Variants in DCT observed in about 807,000 individuals in gnomAD.
The protein encoded by DCT is dopachrome tautomerase.
DCT carries 47 observed loss-of-function variants against 53.0 expected under a neutral mutation model. The observed-to-expected ratio is 0.89, with a 90% CI of 0.70 to 1.13. DCT has a LOEUF of 1.13. Among genes scored for constraint, DCT ranks in the 50% most tolerant of loss-of-function variants. DCT has a pLI of 0.00. For synonymous variants in DCT, 244 were observed against 237.0 expected (o/e 1.03, Z -0.27); for missense variants, 669 against 637.4 (o/e 1.05, Z -0.53).
chr13:94,518,103 ACGAAG>A, the DCT span, among the ~76,000 whole-genome samples: 3 of 131,646 alleles, frequency 2.3e-5, no homozygotes, highest in African/African-American at 5.8e-5. Context: ...GAGAAGGGAA[ACGAAG>A]GGAAGGAAGG....
intron 2 of DCT, chr13:94,467,518 C>G (rs1884300444): frequency 6.6e-6 from 1 of 152,138 alleles, no homozygotes; most frequent in African/African-American, 2.4e-5. Context: ...AATAATTCCT[C>G]AGAGTGATAA....
At chr13:94,529,731 C>T in the DCT span, among the ~76,000 whole-genome samples, 1 of 152,090 alleles carries the variant, frequency 6.6e-6, no homozygotes, top group Non-Finnish European at 1.5e-5. Context: ...ATTAAAAGAA[C>T]TAGAGAAGCA....
chr13:94,472,521 CATATATATAT>C (rs1555334365), intron 1 of DCT, among the ~76,000 whole-genome samples: 702 of 25,052 alleles, frequency 0.028, 1 homozygote, highest in Non-Finnish European at 0.036. Context: ...TACATACATA[CATATATATAT>C]ATATATATAT....
the DCT span, among the ~76,000 whole-genome samples, chr13:94,508,885 A>G: frequency 1.3e-5 from 2 of 152,190 alleles, no homozygotes; most frequent in African/African-American, 4.8e-5. Context: ...GAAGAAGAAT[A>G]AAAACAGGGG....
the DCT span, among the ~76,000 whole-genome samples, chr13:94,495,553 T>A: frequency 6.6e-6 from 1 of 152,214 alleles, no homozygotes; most frequent in African/African-American, 2.4e-5. Context: ...ATCATCAAAG[T>A]TTAAATTTTA....
At chr13:94,541,277 G>A in the DCT span, among the ~76,000 whole-genome samples, 1 of 152,150 alleles carries the variant, frequency 6.6e-6, no homozygotes, top group Non-Finnish European at 1.5e-5. Context: ...GCCGCGGCAG[G>A]TGGATCACCT....
the DCT span, among the ~76,000 whole-genome samples, chr13:94,487,126 C>G: frequency 1.6e-3 from 238 of 152,266 alleles, 5 homozygotes; most frequent in Non-Finnish European, 1.2e-4. Context: ...TTGTTAGAAA[C>G]TGAATAGCAG....
At chr13:94,483,068 G>A (rs1432450000), upstream of DCT, among the ~76,000 whole-genome samples, 2 of 152,012 alleles carry the variant, frequency 1.3e-5, no homozygotes, top group South Asian at 4.2e-4. Flanking sequence ...GAGCCCAGGA[G>A]TCTGAGATCA....
the DCT span, among the ~76,000 whole-genome samples, chr13:94,542,489 A>G: frequency 1.3e-5 from 2 of 152,144 alleles, no homozygotes; most frequent in Non-Finnish European, 2.9e-5. Flanking sequence ...TTACAGGGCC[A>G]CAGCACCTGG....
the DCT span, among the ~76,000 whole-genome samples, chr13:94,540,586 G>T: frequency 1.3e-5 from 2 of 152,104 alleles, no homozygotes; most frequent in Non-Finnish European, 2.9e-5. Flanking sequence ...TCCAAGAAAT[G>T]CAAATCAAAA....
the DCT span, among the ~76,000 whole-genome samples, chr13:94,546,093 C>G: frequency 3.3e-5 from 5 of 152,088 alleles, no homozygotes; most frequent in Non-Finnish European, 5.9e-5. This position sits in a 1 kb window ranked among gnomAD's most constrained non-coding sequence, Gnocchi z 4.2. Context: ...AAAGGGCTTA[C>G]AATTGTGACT....
At chr13:94,529,065 T>G in the DCT span, among the ~76,000 whole-genome samples, 61,354 of 151,886 alleles carry the variant, frequency 0.4, 13,113 homozygotes, top group East Asian at 0.62. Context: ...AATGGCAAAG[T>G]GATCAATTCA....
At chr13:94,515,782 T>A in the DCT span, among the ~76,000 whole-genome samples, 1 of 152,154 alleles carries the variant, frequency 6.6e-6, no homozygotes, top group South Asian at 2.1e-4. Flanking sequence ...TACAGCACTG[T>A]AACAAATACT....
the DCT span, among the ~76,000 whole-genome samples, chr13:94,511,331 C>T: frequency 0.38 from 57,071 of 150,880 alleles, 11,287 homozygotes; most frequent in East Asian, 0.61. Context: ...TTCGTGTTCC[C>T]CTGCACCTAC....
At chr13:94,525,827 T>C in the DCT span, among the ~76,000 whole-genome samples, 9 of 152,176 alleles carry the variant, frequency 5.9e-5, no homozygotes, top group Admixed American at 2.6e-4. Context: ...ACTCTGTCTC[T>C]ACAAAACATA....
chr13:94,526,374 C>T, the DCT span, among the ~76,000 whole-genome samples: 79 of 152,216 alleles, frequency 5.2e-4, no homozygotes, highest in Admixed American at 2.0e-4. Context: ...ACGGATATTC[C>T]GAGATATTAA....
the DCT span, among the ~76,000 whole-genome samples, chr13:94,515,646 C>G: frequency 6.6e-6 from 1 of 152,188 alleles, no homozygotes; most frequent in African/African-American, 2.4e-5. Flanking sequence ...TTCAGAAGTG[C>G]TACAGCTGCT....
Position 94,476,178 on chromosome 13 carries a change from CTCTTTTTTTTTTT to C in DCT, c.295+2770_295+2782del, listed in dbSNP as rs1349765913. On this transcript the variant is annotated intron_variant, in intron 1 of 7. Transcript: ENST00000377028. ...AAGGGCTTTTTAGAGCAGGGGGAGC[CTCTTTTTTTTTTT>C]TTTTTTTTTTTTTTTTGAAGGTAGG... Among the ~76,000 whole-genome samples, 12 of 114,336 alleles carry C rather than the reference CTCTTTTTTTTTTT, an allele frequency of 1.0e-4. No homozygotes were observed. In the East Asian group the frequency reaches 2.5e-3, roughly 23 times the overall value. The allele number at this position is 114,336 out of a possible 152,430, so 75.0% of individuals were successfully genotyped here. A position where few individuals can be genotyped will look rare whatever the true frequency, so the allele number is the denominator to read the frequency against.
rs369280317 is a variant in DCT at position 94,463,541 on chromosome 13, C to T, written c.864-1352G>A. Among the ~76,000 whole-genome samples the T allele has an allele frequency of 3.9e-5, 6 of 151,918 alleles. No homozygotes were observed. In the East Asian group the frequency reaches 5.8e-4, roughly 15 times the overall value. Reference sequence around the variant, plus strand: ...CTGACCTCAGGTGATCCACCTGTCTCGGCCTCCCAAAGTGCTGAGATTACA... The same window carrying T: ...CTGACCTCAGGTGATCCACCTGTCTTGGCCTCCCAAAGTGCTGAGATTACA... On this transcript the variant is annotated intron_variant, in intron 4 of 7. Coordinates refer to ENST00000377028, the MANE Select transcript of DCT (RefSeq NM_001922.5).
Sources: gnomAD v4.1 joint callset for allele counts (sites outside exome capture counted in the v4.1 genomes callset) on GRCh38, gnomAD v4.1.1 for gene constraint, Gnocchi (gnomAD v3.1) non-coding constraint, MANE v1.5 for transcripts, NCBI Gene and HGNC (gene_info 2026-07-23, HGNC 2026-07-21) for gene names.